The following ADAMTSL1 variants were observed in gnomAD, a reference collection of about 807,000 sequenced individuals.
The protein encoded by ADAMTSL1 is ADAMTS-like protein 1.
ADAMTSL1 carries 126 observed loss-of-function variants against 201.8 expected under a neutral mutation model. That is an observed-to-expected ratio of 0.62 (90% CI 0.54 to 0.72). The LOEUF (loss-of-function observed/expected upper bound fraction) is 0.72, where lower values mean the gene tolerates loss of function less well. ADAMTSL1 is among the 30% of genes least tolerant of loss of function. The pLI, the probability that ADAMTSL1 is intolerant of heterozygous loss-of-function variation, is 0.00. For missense variants in ADAMTSL1, 2,679 were observed against 2,277.8 expected (o/e 1.18, Z -3.59); for synonymous variants, 1,121 against 903.4 (o/e 1.24, Z -4.32).
intron 15 of ADAMTSL1, among the ~76,000 whole-genome samples, chr9:18,733,863 C>T (rs1818360561): frequency 6.6e-6 from 1 of 151,900 alleles, no homozygotes; most frequent in African/African-American, 2.4e-5. Flanking sequence ...GTACAGTCTT[C>T]TCACTTCCTT....
intron 7 of ADAMTSL1, among the ~76,000 whole-genome samples, chr9:18,652,056 A>G (rs567717385): frequency 2.4e-4 from 37 of 152,242 alleles, no homozygotes; most frequent in Admixed American, 1.2e-3. Flanking sequence ...AGTGATACAT[A>G]TCATTGAATA....
intron 13 of ADAMTSL1, among the ~76,000 whole-genome samples, chr9:18,687,869 G>T (rs759229771): frequency 3.3e-5 from 5 of 152,168 alleles, no homozygotes; most frequent in African/African-American, 9.7e-5. Context: ...CATTGTGGTT[G>T]CAGTAAACAC....
intron 2 of ADAMTSL1, among the ~76,000 whole-genome samples, chr9:18,193,677 G>A (rs551102553): frequency 6.6e-6 from 1 of 152,198 alleles, no homozygotes; most frequent in African/African-American, 2.4e-5. Context: ...TCATCAAAAG[G>A]GAAAGGACAG....
Position 18,574,043 on chromosome 9 carries a change from A to G in ADAMTSL1, c.251A>G (p.Glu84Gly), listed in dbSNP as rs753994179. ...TTTTTTCTCCAGGACTGCCCACCAGAAGCAGGTGATTTCCGAGCTCAGCAA... is the reference window on the plus strand; with the variant it reads ...TTTTTTCTCCAGGACTGCCCACCAGGAGCAGGTGATTTCCGAGCTCAGCAA... ...RTCSNVDCPP[E>G]AGDFRAQQCS... Residue 84 changes from glutamate (E) to glycine (G), a missense_variant, in exon 4 of 29, where the codon GAA becomes GGA. By Grantham distance (98) the Glu-to-Gly change is moderately conservative (BLOSUM62 -2). Transcript: ENST00000380548. 14 of 1,613,322 alleles carry G rather than the reference A, an allele frequency of 8.7e-6. No homozygotes were observed. In the Admixed American group the frequency reaches 2.2e-4, roughly 25 times the overall value.
intron 3 of ADAMTSL1, among the ~76,000 whole-genome samples, chr9:18,555,333 T>G (rs1821042116): frequency 6.6e-6 from 1 of 151,952 alleles, no homozygotes; most frequent in African/African-American, 2.4e-5. Flanking sequence ...CTTTTTATTG[T>G]TTTTGTCTCT....
intron 11 of ADAMTSL1, 98 bp from the exon 12 acceptor site, chr9:18,681,714 G>GGGA (rs1564146020): frequency 2.6e-5 from 23 of 884,516 alleles, no homozygotes; most frequent in East Asian, 9.8e-5. Context: ...GGGGGGCGGG[G>GGGA]AAAAAGAAAA....
At chr9:18,661,010 G>T (rs571497655) in intron 8 of ADAMTSL1, among the ~76,000 whole-genome samples, 3 of 151,984 alleles carry the variant, frequency 2.0e-5, no homozygotes, top group Middle Eastern at 3.2e-3. Context: ...AATGTATTTG[G>T]CAGATTGATT....
intron 1 of ADAMTSL1, among the ~76,000 whole-genome samples, chr9:17,964,813 G>C (rs950643697): frequency 6.6e-6 from 1 of 152,006 alleles, no homozygotes; most frequent in Non-Finnish European, 1.5e-5. Flanking sequence ...CTTTCTTTTG[G>C]GGAAAATTAT....
intron 1 of ADAMTSL1, among the ~76,000 whole-genome samples, chr9:18,019,553 C>CT (rs1820395940): frequency 6.6e-6 from 1 of 152,068 alleles, no homozygotes; most frequent in Non-Finnish European, 1.5e-5. Context: ...AGTAGGGCCT[C>CT]TAAGAAGATT....
At chr9:18,291,441 C>G (rs1234662360) in intron 2 of ADAMTSL1, among the ~76,000 whole-genome samples, 2 of 152,114 alleles carry the variant, frequency 1.3e-5, no homozygotes, top group Non-Finnish European at 2.9e-5. Flanking sequence ...AGGCACTATT[C>G]TAGGTGCTGA....
intron 2 of ADAMTSL1, among the ~76,000 whole-genome samples, chr9:18,263,162 T>G (rs1658876963): frequency 6.6e-6 from 1 of 152,076 alleles, no homozygotes; most frequent in Non-Finnish European, 1.5e-5. Context: ...AAAATGACCA[T>G]TCAGTAAAGA....
At chr9:18,848,138 A>T (rs1826250102) in intron 23 of ADAMTSL1, among the ~76,000 whole-genome samples, 1 of 152,154 alleles carries the variant, frequency 6.6e-6, no homozygotes, top group Non-Finnish European at 1.5e-5. Flanking sequence ...GAGCTTCTGC[A>T]GGCATGTGCC....
intron 2 of ADAMTSL1, among the ~76,000 whole-genome samples, chr9:18,336,001 A>C (rs1835221267): frequency 6.6e-6 from 1 of 152,150 alleles, no homozygotes; most frequent in Non-Finnish European, 1.5e-5. Flanking sequence ...GTGGCATTGA[A>C]TCAAGTCTCT....
intron 2 of ADAMTSL1, among the ~76,000 whole-genome samples, chr9:18,421,158 G>A (rs754103519): frequency 6.6e-6 from 1 of 152,120 alleles, no homozygotes; most frequent in Non-Finnish European, 1.5e-5. Flanking sequence ...TTCCTCTCCT[G>A]TTCCCAACCA....
intron 1 of ADAMTSL1, among the ~76,000 whole-genome samples, chr9:18,022,343 G>A (rs1820513914): frequency 6.6e-6 from 1 of 152,138 alleles, no homozygotes; most frequent in Non-Finnish European, 1.5e-5. Context: ...CTGCTGTCCT[G>A]TATTGTTCTC....
chr9:18,837,331 C>A (rs1407321064), intron 23 of ADAMTSL1, among the ~76,000 whole-genome samples: 1 of 152,190 alleles, frequency 6.6e-6, no homozygotes, highest in African/African-American at 2.4e-5. Flanking sequence ...TCTAACTTAT[C>A]CACTACAATT....
chr9:18,649,735 T>C (rs1008417252), intron 7 of ADAMTSL1, among the ~76,000 whole-genome samples: 3 of 152,136 alleles, frequency 2.0e-5, no homozygotes, highest in African/African-American at 7.2e-5. Flanking sequence ...TGCTGTCTGA[T>C]CGTTCCTCTG....
At chr9:18,162,704 ACATC>A (rs1181399060) in intron 1 of ADAMTSL1, among the ~76,000 whole-genome samples, 1 of 152,022 alleles carries the variant, frequency 6.6e-6, no homozygotes, top group African/African-American at 2.4e-5. Flanking sequence ...ATTAATATAA[ACATC>A]CACATATTCA....
chr9:18,124,635 A>G (rs1346944152), intron 1 of ADAMTSL1, among the ~76,000 whole-genome samples: 2 of 152,154 alleles, frequency 1.3e-5, no homozygotes, highest in African/African-American at 4.8e-5. Context: ...TGAGTATATA[A>G]AAATAAGGTC....
Sources: gnomAD v4.1 joint callset for allele counts (sites outside exome capture counted in the v4.1 genomes callset) on GRCh38, gnomAD v4.1.1 for gene constraint, MANE v1.5 for transcripts, NCBI Gene and HGNC (gene_info 2026-07-23, HGNC 2026-07-21) for gene names.